HECW1: variants seen among roughly 807,000 people sequenced by gnomAD.
HECW1 encodes E3 ubiquitin-protein ligase HECW1.
Under a neutral mutation model 182.3 loss-of-function variants are expected in HECW1, and 61 were observed. The observed-to-expected ratio is 0.33, with a 90% CI of 0.27 to 0.41. The LOEUF (loss-of-function observed/expected upper bound fraction) is 0.41, where lower values mean the gene tolerates loss of function less well. Among genes scored for constraint, HECW1 ranks in the 10% least tolerant of loss-of-function variants. The pLI, the probability that HECW1 is intolerant of heterozygous loss-of-function variation, is 1.00. For missense variants in HECW1, 1,739 were observed against 2,108.9 expected, an observed-to-expected ratio of 0.82 and a Z score of 3.44; for synonymous variants, 859 against 832.6, an observed-to-expected ratio of 1.03 and a Z score of -0.55.
chr7:43,550,548 G>A lies in HECW1; in HGVS notation c.4352G>A (p.Gly1451Asp). The change falls in exon 27 of 30, where the codon GGC (glycine) becomes GAC (aspartate). Residue 1451 changes from glycine to aspartate, a missense_variant. This residue lies in a region of HECW1 where 420 missense variants were observed against 595.7 expected (regional missense o/e 0.71). Coordinates refer to ENST00000395891, the MANE Select transcript of HECW1 (RefSeq NM_015052.5). ...ERMVKWRVER[G>D]VVQQTEALVR... Reference sequence around the variant, plus strand: ...ATGGTGAAGTGGCGGGTGGAGCGCGGCGTGGTACAGCAGACCGAGGCGCTG... The same window carrying A: ...ATGGTGAAGTGGCGGGTGGAGCGCGACGTGGTACAGCAGACCGAGGCGCTG... 2 of 1,611,014 alleles carry A rather than the reference G, an allele frequency of 1.2e-6. No individual in the cohort carries two copies. Among genetic ancestry groups the A allele is most frequent in the Non-Finnish European group, 8.5e-7 (1 of 1,178,728 alleles).
intron 16 of HECW1, among the ~76,000 whole-genome samples, chr7:43,479,185 A>G (rs1215982392): frequency 6.6e-6 from 1 of 152,204 alleles, no homozygotes; most frequent in African/African-American, 2.4e-5. Context: ...GTGATGTATA[A>G]TCAGTGGGAG....
rs200549707 is a variant in HECW1 at position 43,412,425 on chromosome 7, T to TTTTATTTATTTATTTA, written c.801+4714_801+4729dup. The stretch of plus-strand genomic sequence containing the variant: ...TCCTATTTCTAATGCTTTTCATTTC[T>TTTTATTTATTTATTTA]TTTATTTATTTATTTATTTATTTAT... On this transcript the variant is annotated intron_variant, in intron 8 of 29. Coordinates refer to ENST00000395891, the MANE Select transcript of HECW1 (RefSeq NM_015052.5). Among the ~76,000 whole-genome samples the TTTTATTTATTTATTTA allele has an allele frequency of 2.0e-5, 3 of 147,106 alleles. No individual in the cohort carries two copies. The East Asian group carries it at 6.0e-4, about 30-fold the overall frequency.
intron 2 of HECW1, among the ~76,000 whole-genome samples, chr7:43,135,979 C>CTTT (rs34511113): frequency 0.018 from 2,589 of 143,568 alleles, 80 homozygotes; most frequent in African/African-American, 0.058. Context: ...ACCATTTACA[C>CTTT]TTTTTTTTTT....
intron 3 of HECW1, among the ~76,000 whole-genome samples, chr7:43,296,433 C>T (rs1806062518): frequency 6.6e-6 from 1 of 152,048 alleles, no homozygotes; most frequent in Non-Finnish European, 1.5e-5. Context: ...TATGGTGTGT[C>T]CTCCTAGTGG....
intron 2 of HECW1, among the ~76,000 whole-genome samples, chr7:43,190,624 A>C (rs1265836675): frequency 6.6e-6 from 1 of 152,166 alleles, no homozygotes; most frequent in African/African-American, 2.4e-5. Context: ...TCATCTTTCT[A>C]TGCTCTCTCC....
intron 17 of HECW1, among the ~76,000 whole-genome samples, chr7:43,480,311 G>A (rs754200199): frequency 2.3e-4 from 35 of 152,100 alleles, no homozygotes; most frequent in Non-Finnish European, 3.7e-4. Flanking sequence ...TTCTGAATTA[G>A]TATCTATATC....
chr7:43,226,028 C>A (rs1281834377), intron 2 of HECW1, among the ~76,000 whole-genome samples: 1 of 152,130 alleles, frequency 6.6e-6, no homozygotes, highest in Non-Finnish European at 1.5e-5. Flanking sequence ...CCGCTTTGGC[C>A]TCCCAAAGTA....
intron 8 of HECW1, among the ~76,000 whole-genome samples, chr7:43,433,472 C>G (rs145905244): frequency 3.3e-4 from 50 of 152,266 alleles, no homozygotes; most frequent in African/African-American, 1.2e-3. Flanking sequence ...TTTCTGAGAA[C>G]CAAGGCTAAG....
At chr7:43,453,626 G>A (rs1024977002) in intron 12 of HECW1, among the ~76,000 whole-genome samples, 1 of 152,136 alleles carries the variant, frequency 6.6e-6, no homozygotes, top group Non-Finnish European at 1.5e-5. Flanking sequence ...AGTTGTATAG[G>A]TTTTTGTTAA....
chr7:43,417,537 G>T (rs1444196652), intron 8 of HECW1, among the ~76,000 whole-genome samples: 4 of 151,006 alleles, frequency 2.6e-5, no homozygotes, highest in Admixed American at 2.0e-4. Flanking sequence ...AGAATTCTGG[G>T]TTAACTGGTA....
chr7:43,444,564 G>T lies in HECW1; in HGVS notation c.1392G>T (p.Leu464=). The part of the protein sequence containing the change: ...SAEELAEQLD[L]GEEASALLLE... ...AAGAGCTGGCCGAGCAGCTGGACCTGGGTGAGGAGGCATCAGCACTGCTGC... is the reference window on the plus strand; with the variant it reads ...AAGAGCTGGCCGAGCAGCTGGACCTTGGTGAGGAGGCATCAGCACTGCTGC... The change falls in exon 11 of 30, where the codon CTG becomes CTT. Residue 464 remains leucine (L), a synonymous_variant. Coordinates refer to ENST00000395891, the MANE Select transcript of HECW1 (RefSeq NM_015052.5). This position sits in a 1 kb window ranked among gnomAD's most constrained non-coding sequence, Gnocchi z 4.3. The T allele has an allele frequency of 6.2e-7, 1 of 1,611,008 alleles. No homozygotes were observed. Among genetic ancestry groups the T allele is most frequent in the Non-Finnish European group, 8.5e-7 (1 of 1,178,830 alleles).
chr7:43,529,957 AT>A (rs143618590), intron 24 of HECW1, among the ~76,000 whole-genome samples: 18 of 148,298 alleles, frequency 1.2e-4, no homozygotes, highest in East Asian at 4.0e-4. Context: ...ATTTTTATTT[AT>A]TTTTTTTTTG....
At position 43,316,683 on chromosome 7, in the gene HECW1, G is replaced by C. The variant is rs1036722276; in HGVS notation, c.353-3952G>C. On this transcript the variant is annotated intron_variant, in intron 4 of 29. Transcript: ENST00000395891. ...CAGAAAATAACAGCCTCCTGGTAGA[G>C]AGCCTAGAGCACCCATTCCACACTG... Among the ~76,000 whole-genome samples, 6 of 149,570 alleles carry C rather than the reference G, an allele frequency of 4.0e-5. No individual in the cohort carries two copies. The East Asian group carries it at 1.2e-3, about 30-fold the overall frequency.
chr7:43,473,153 C>G (rs1293749010), intron 16 of HECW1, among the ~76,000 whole-genome samples: 1 of 152,218 alleles, frequency 6.6e-6, no homozygotes, highest in Non-Finnish European at 1.5e-5. Context: ...CACCCACCCT[C>G]TACCCCCACT....
chr7:43,136,172 G>C (rs78617130), intron 2 of HECW1, among the ~76,000 whole-genome samples: 2 of 151,934 alleles, frequency 1.3e-5, no homozygotes, highest in African/African-American at 2.4e-5. Context: ...TGTGGGTTCT[G>C]CCTGAATCAG....
chr7:43,554,834 G>A, intron 29 of HECW1, 44 bp downstream of exon 29: 4 of 1,547,632 alleles, frequency 2.6e-6, no homozygotes, highest in South Asian at 1.2e-5. Flanking sequence ...GCTGAAGAGG[G>A]CAAAGTATAC....
chr7:43,113,655 A>G (rs1004292959), intron 1 of HECW1: 29 of 162,206 alleles, frequency 1.8e-4, no homozygotes, highest in Admixed American at 3.9e-4. Flanking sequence ...GCAGGGAGGG[A>G]GCTGCCGGGG....
At chr7:43,370,538 A>G (rs111921566) in intron 6 of HECW1, among the ~76,000 whole-genome samples, 8 of 152,356 alleles carry the variant, frequency 5.3e-5, no homozygotes, top group African/African-American at 1.7e-4. Flanking sequence ...TGTCCATACA[A>G]ACATCTTCAC....
chr7:43,167,105 G>A (rs1384290595), intron 2 of HECW1, among the ~76,000 whole-genome samples: 3 of 152,180 alleles, frequency 2.0e-5, no homozygotes, highest in Non-Finnish European at 2.9e-5. Context: ...TAAAGCAACA[G>A]GAATTTATTC....
Sources: gnomAD v4.1 joint callset for allele counts (sites outside exome capture counted in the v4.1 genomes callset) on GRCh38, gnomAD v4.1.1 for gene constraint, gnomAD v4.1.1 regional missense constraint, Gnocchi (gnomAD v3.1) non-coding constraint, MANE v1.5 for transcripts, NCBI Gene and HGNC (gene_info 2026-07-23, HGNC 2026-07-21) for gene names.